Variants in CASZ1 observed in about 807,000 individuals in gnomAD.
CASZ1 encodes zinc finger protein castor homolog 1.
CASZ1 carries 28 observed loss-of-function variants against 135.2 expected under a neutral mutation model. The observed-to-expected ratio is 0.21, with a 90% CI of 0.15 to 0.28. The LOEUF is 0.28. CASZ1 is among the 10% of genes least tolerant of loss of function. The probability of loss-of-function intolerance (pLI) is 1.00; values close to 1 mark genes in which losing one functional copy is unlikely to be tolerated. For missense variants in CASZ1, 2,161 were observed against 2,453.3 expected (o/e 0.88, Z 2.52); for synonymous variants, 1,068 against 1,073.4 (o/e 0.99, Z 0.10).
In CASZ1 at chr1:10,714,333, GAAGAAAGGA is replaced by G. The variant is rs572069536; in HGVS notation, c.-76-8798_-76-8790del. On this transcript the variant is annotated intron_variant, in intron 2 of 20. Transcript: ENST00000377022. ...AAAGAAAGAAAGAAAGAAAGAAAGG[GAAGAAAGGA>G]AAGAAAGGAAAGAAAGAAAGAAACT... Among the ~76,000 whole-genome samples, 20 of 152,066 alleles carry G rather than the reference GAAGAAAGGA, an allele frequency of 1.3e-4. No homozygotes were observed. The South Asian group carries it at 1.5e-3, about 11-fold the overall frequency.
At chr1:10,648,553 C>T (rs752568755) in intron 15 of CASZ1, 5 of 211,556 alleles carry the variant, frequency 2.4e-5, no homozygotes, top group Non-Finnish European at 4.7e-5. Context: ...CTTGGGAGCA[C>T]TGCAGGTCTG....
chr1:10,789,906 C>T (rs1021139931), intron 1 of CASZ1, among the ~76,000 whole-genome samples: 5 of 152,150 alleles, frequency 3.3e-5, no homozygotes, highest in Non-Finnish European at 5.9e-5. Flanking sequence ...GCAGAATTTA[C>T]GACAGGCTTT....
At chr1:10,766,258 A>G (rs1640477221) in intron 1 of CASZ1, among the ~76,000 whole-genome samples, 1 of 152,194 alleles carries the variant, frequency 6.6e-6, no homozygotes, top group Admixed American at 6.5e-5. Context: ...TCACTGGGCA[A>G]CATGCCACTG....
chr1:10,640,053 G>T lies in CASZ1; in HGVS notation c.4169C>A (p.Thr1390Asn). 6.2e-7 allele frequency: 1 copy of T among 1,605,484 alleles called. No homozygotes were observed. The highest frequency in any genetic ancestry group is 8.5e-7 in the Non-Finnish European group (1 of 1,178,536). ...CCCCGAGGCTGTCGGCATAGAGATG[G>T]TGTTCCCTGGGGAGGGGCAGGGAGG... ...VGNESTAAGNTISMPTASGAK... is the reference protein window; with the variant it reads ...VGNESTAAGNNISMPTASGAK... Residue 1390 changes from threonine to asparagine, a missense_variant, in exon 21 of 21, where the codon ACC becomes AAC. Physicochemically the swap from Thr to Asn is moderately conservative, Grantham distance 65. Coordinates refer to ENST00000377022, the MANE Select transcript of CASZ1 (RefSeq NM_001079843.3).
rs77810865 is a variant in CASZ1, at chr1:10,739,919, G to C, written c.-77+20782C>G. Among the ~76,000 whole-genome samples, 1 of 152,124 alleles carries C rather than the reference G, an allele frequency of 6.6e-6. No homozygotes were observed. The highest frequency in any genetic ancestry group is 1.9e-4 in the East Asian group (1 of 5,178). ...CCTCCTGAAAGGGCGAAACTCAGTC[G>C]TTCAGGGAGAAAGGGACCACAGCCA... On this transcript the variant is annotated intron_variant, in intron 2 of 20. Transcript: ENST00000377022. The surrounding 1 kb of genome is among the most constrained non-coding windows in gnomAD (Gnocchi z 4.8).
intron 2 of CASZ1, among the ~76,000 whole-genome samples, chr1:10,712,163 T>C (rs57026832): frequency 0.029 from 4,332 of 151,950 alleles, 209 homozygotes; most frequent in African/African-American, 0.098. Flanking sequence ...CTGGCCAACA[T>C]GATGAAACCC....
At chr1:10,695,614 C>T (rs1291746041) in intron 3 of CASZ1, among the ~76,000 whole-genome samples, 25 of 140,226 alleles carry the variant, frequency 1.8e-4, no homozygotes, top group Non-Finnish European at 3.1e-5. Flanking sequence ...CGTCTCCAGG[C>T]CTGTCCCCTT....
Position 10,701,910 on chromosome 1 carries a change from C to T in CASZ1, c.-24+3582G>A, listed in dbSNP as rs974185372. 5.9e-5 allele frequency among the ~76,000 whole-genome samples: 9 copies of T among 152,196 alleles called. No homozygotes were observed. Among genetic ancestry groups the T allele is most frequent in the African/African-American group, 2.2e-4 (9 of 41,450 alleles). On this transcript the variant is annotated intron_variant, in intron 3 of 20. Transcript: ENST00000377022. This position sits in a 1 kb window ranked among gnomAD's most constrained non-coding sequence, Gnocchi z 6.3. Reference sequence around the variant, plus strand: ...AAGCCAGGCCTCAGTTTCTCCACCTCCCCCGGCCCATCCCCCGTTGGGCTG... The same window carrying T: ...AAGCCAGGCCTCAGTTTCTCCACCTTCCCCGGCCCATCCCCCGTTGGGCTG...
chr1:10,721,679 C>T lies in CASZ1; in HGVS notation c.-76-16135G>A, dbSNP rs936917264. 6.6e-6 allele frequency among the ~76,000 whole-genome samples: 1 copy of T among 152,220 alleles called. No homozygotes were observed. Among genetic ancestry groups the T allele is most frequent in the African/African-American group, 2.4e-5 (1 of 41,454 alleles). ...GCCAGTGACCTCCCCTCCTAAGCTG[C>T]ACCTCACCACTGACCTGCAAGTGCC... On this transcript the variant is annotated intron_variant, in intron 2 of 20. Coordinates refer to ENST00000377022, the MANE Select transcript of CASZ1 (RefSeq NM_001079843.3). The surrounding 1 kb of genome is among the most constrained non-coding windows in gnomAD (Gnocchi z 5.4).
chr1:10,650,889 A>G, intron 12 of CASZ1, 52 bp downstream of exon 12: 2 of 1,605,082 alleles, frequency 1.2e-6, no homozygotes, highest in Non-Finnish European at 1.7e-6. Context: ...CCGGGGCTCC[A>G]GCTCGAAGGT....
At position 10,657,651 on chromosome 1, in the gene CASZ1, T is replaced by G. The variant is rs1642849546; in HGVS notation, c.1409+857A>C. On this transcript the variant is annotated intron_variant, in intron 7 of 20. Transcript: ENST00000377022. This position sits in a 1 kb window ranked among gnomAD's most constrained non-coding sequence, Gnocchi z 5.7. ...GGGGGCGGAGACAGTGGGATGGGGG[T>G]GGACAGAGACAGAGCAGGACAGGGG... is the stretch of plus-strand genomic sequence containing the variant. 6.7e-6 allele frequency among the ~76,000 whole-genome samples: 1 copy of G among 148,540 alleles called. No homozygotes were observed. The highest frequency in any genetic ancestry group is 2.5e-5 in the African/African-American group (1 of 40,072).
intron 9 of CASZ1, among the ~76,000 whole-genome samples, chr1:10,655,121 T>G (rs1642744335): frequency 6.6e-6 from 1 of 151,984 alleles, no homozygotes; most frequent in African/African-American, 2.4e-5. Flanking sequence ...GCCGTGCCAG[T>G]GTCTGCACCA....
intron 2 of CASZ1, among the ~76,000 whole-genome samples, chr1:10,752,892 C>T (rs1640175389): frequency 6.6e-6 from 1 of 151,208 alleles, no homozygotes; most frequent in Non-Finnish European, 1.5e-5. Context: ...AAAAAATTAG[C>T]TGGGTGTGGT....
In CASZ1 at chr1:10,666,340, C is replaced by A. The variant is rs1643232832; in HGVS notation, c.17-769G>T. 6.6e-6 allele frequency among the ~76,000 whole-genome samples: 1 copy of A among 152,200 alleles called. No homozygotes were observed. The highest frequency in any genetic ancestry group is 1.5e-5 in the Non-Finnish European group (1 of 68,020). On this transcript the variant is annotated intron_variant, in intron 4 of 20. Coordinates refer to ENST00000377022, the MANE Select transcript of CASZ1 (RefSeq NM_001079843.3). The surrounding 1 kb of genome is among the most constrained non-coding windows in gnomAD (Gnocchi z 5.2). ...CAGCCCTTGCCAGCCCCCTCTTGGCCTCTCTGTCCATTTCCTGTTGCCACT... is the reference window on the plus strand; with the variant it reads ...CAGCCCTTGCCAGCCCCCTCTTGGCATCTCTGTCCATTTCCTGTTGCCACT...
chr1:10,699,225 C>T lies in CASZ1; in HGVS notation c.-23-5313G>A, dbSNP rs1287342659. On this transcript the variant is annotated intron_variant, in intron 3 of 20. Transcript: ENST00000377022. This position sits in a 1 kb window ranked among gnomAD's most constrained non-coding sequence, Gnocchi z 4.6. ...CACTTCCAGCTCATCCTCCGTTCTC[C>T]TTCCCCTCTCCTGGGAAGTCAACGG... 1.3e-5 allele frequency among the ~76,000 whole-genome samples: 2 copies of T among 152,226 alleles called. No homozygotes were observed. Among genetic ancestry groups the T allele is most frequent in the Non-Finnish European group, 2.9e-5 (2 of 68,030 alleles).
At position 10,788,305 on chromosome 1, in the gene CASZ1, G is replaced by A. The variant is rs1235979249; in HGVS notation, c.-234+8259C>T. On this transcript the variant is annotated intron_variant, in intron 1 of 20. Coordinates refer to ENST00000377022, the MANE Select transcript of CASZ1 (RefSeq NM_001079843.3). This position sits in a 1 kb window ranked among gnomAD's most constrained non-coding sequence, Gnocchi z 4.1. Reference sequence around the variant, plus strand: ...TATGGGGTCCCCTGGGTGACAGTTTGACAGCACTCTCCTCTCCCAGTGCAG... The same window carrying A: ...TATGGGGTCCCCTGGGTGACAGTTTAACAGCACTCTCCTCTCCCAGTGCAG... Among the ~76,000 whole-genome samples, 1 of 152,088 alleles carries A rather than the reference G, an allele frequency of 6.6e-6. No homozygotes were observed. Among genetic ancestry groups the A allele is most frequent in the East Asian group, 1.9e-4 (1 of 5,190 alleles).
chr1:10,791,497 T>TC (rs1293536380), intron 1 of CASZ1, among the ~76,000 whole-genome samples: 1 of 152,104 alleles, frequency 6.6e-6, no homozygotes, highest in East Asian at 1.9e-4. Context: ...TCCAGGTTCC[T>TC]CCCCCCGTCA....
intron 2 of CASZ1, 113 bp downstream of exon 2, chr1:10,760,588 A>G (rs58821949): frequency 6.5e-4 from 99 of 152,388 alleles, no homozygotes; most frequent in African/African-American, 2.4e-3. Flanking sequence ...TCAGGATCAG[A>G]ACCCACTGGG....
rs559625400 is a variant in CASZ1, at chr1:10,776,396, C to T, written c.-233-15539G>A. Among the ~76,000 whole-genome samples the T allele has an allele frequency of 2.6e-5, 4 of 152,370 alleles. No homozygotes were observed. The East Asian group carries it at 7.7e-4, about 29-fold the overall frequency. On this transcript the variant is annotated intron_variant, in intron 1 of 20. Transcript: ENST00000377022. This position sits in a 1 kb window ranked among gnomAD's most constrained non-coding sequence, Gnocchi z 4.1. ...GGCCTCCTGCCCAGATGGCGCTCAC[C>T]CCGGGCATGGAGCCTGCCCCTTTCT...
Sources: allele counts gnomAD v4.1 joint callset (sites outside exome capture counted in the v4.1 genomes callset), GRCh38; gene constraint gnomAD v4.1.1; non-coding constraint Gnocchi (gnomAD v3.1); transcripts MANE v1.5; gene names NCBI Gene and HGNC (gene_info 2026-07-23, HGNC 2026-07-21).